The following TRPC4 variants were observed in gnomAD, a reference collection of about 807,000 sequenced individuals.
TRPC4 encodes short transient receptor potential channel 4.
TRPC4 carries 49 observed loss-of-function variants against 99.4 expected under a neutral mutation model. The ratio of observed to expected loss-of-function variants is 0.49; its 90% confidence interval spans 0.39 to 0.63. The LOEUF is 0.63. TRPC4 is among the 20% of genes least tolerant of loss of function. TRPC4 has a pLI of 0.00. For missense variants in TRPC4, 898 were observed against 1,152.9 expected (o/e 0.78, Z 3.20); for synonymous variants, 454 against 425.9 (o/e 1.07, Z -0.81).
In TRPC4 at chr13:37,689,644, T is replaced by C. The variant is rs557939748; in HGVS notation, c.1234+2355A>G. On this transcript the variant is annotated intron_variant, in intron 4 of 10. Transcript: ENST00000379705. ...GAATTATAATACTCACAAATAAATC[T>C]ATACCTCATGTAATCATTTAGCTGT... Among the ~76,000 whole-genome samples, 21 of 152,324 alleles carry C rather than the reference T, an allele frequency of 1.4e-4. No homozygotes were observed. The South Asian group carries it at 4.3e-3, about 32-fold the overall frequency.
At chr13:37,814,052 C>T (rs2139492574) in intron 1 of TRPC4, among the ~76,000 whole-genome samples, 1 of 151,782 alleles carries the variant, frequency 6.6e-6, no homozygotes, top group South Asian at 2.1e-4. Context: ...TATAATACAA[C>T]AAATCAATAC....
intron 3 of TRPC4, among the ~76,000 whole-genome samples, chr13:37,739,504 A>ATTTT (rs34228089): frequency 7.5e-6 from 1 of 133,792 alleles, no homozygotes; most frequent in African/African-American, 2.9e-5. Flanking sequence ...AAAGCATGAG[A>ATTTT]TTTTTTTTTT....
At chr13:37,868,620 T>A (rs9548087) in intron 1 of TRPC4, among the ~76,000 whole-genome samples, 62,156 of 149,390 alleles carry the variant, frequency 0.42, 14,090 homozygotes, top group Admixed American at 0.56. Flanking sequence ...TGAAAAAGTT[T>A]TACAAGTCTG....
chr13:37,826,560 T>A (rs1360716018), intron 1 of TRPC4, among the ~76,000 whole-genome samples: 15 of 151,648 alleles, frequency 9.9e-5, no homozygotes, highest in Non-Finnish European at 1.6e-4. Flanking sequence ...TATGAAATTC[T>A]GGGTTGAAAA....
intron 3 of TRPC4, among the ~76,000 whole-genome samples, chr13:37,698,318 C>A (rs953264702): frequency 6.6e-6 from 1 of 151,058 alleles, no homozygotes; most frequent in African/African-American, 2.4e-5. Flanking sequence ...CCCGCCACCA[C>A]ACCCAACTAA....
intron 8 of TRPC4, 157 bp downstream of exon 8, chr13:37,651,108 A>T (rs901202714): frequency 8.9e-6 from 7 of 789,928 alleles, no homozygotes; most frequent in Non-Finnish European, 1.2e-5. Flanking sequence ...AGTTAATCAG[A>T]CACTGCCTTA....
At chr13:37,790,904 A>G (rs751744333) in intron 1 of TRPC4, among the ~76,000 whole-genome samples, 12 of 152,162 alleles carry the variant, frequency 7.9e-5, no homozygotes, top group Non-Finnish European at 1.6e-4. Context: ...ATCATACCTC[A>G]TAACAGTAAA....
intron 4 of TRPC4, among the ~76,000 whole-genome samples, chr13:37,675,787 C>T (rs535934206): frequency 6.6e-6 from 1 of 152,228 alleles, no homozygotes; most frequent in South Asian, 2.1e-4. Context: ...AGATATAGGC[C>T]TGCCTAAGTC....
rs75514550 is a variant in TRPC4, at chr13:37,663,427, A to G, written c.1677T>C (p.Asn559=). 25,100 of 1,612,114 alleles carry G rather than the reference A, an allele frequency of 0.016. 234 individuals are homozygous for G. The highest frequency in any genetic ancestry group is 0.019 in the Non-Finnish European group (22,549 of 1,178,920). Reference sequence around the variant, plus strand: ...TCTATTAGACTTACGTTGAAAATGCATTATTCTGCTTTTCACATCTTATGC... The same window carrying G: ...TCTATTAGACTTACGTTGAAAATGCGTTATTCTGCTTTTCACATCTTATGC... ...CKGIRCEKQN[N]AFSTLFETLQ... The change falls in exon 6 of 11, where the codon AAT becomes AAC. Residue 559 remains asparagine (N), a synonymous_variant. Coordinates refer to ENST00000379705, the MANE Select transcript of TRPC4 (RefSeq NM_016179.4).
chr13:37,775,605 T>G (rs1006889593), intron 2 of TRPC4, among the ~76,000 whole-genome samples: 1 of 151,646 alleles, frequency 6.6e-6, no homozygotes, highest in African/African-American at 2.4e-5. Flanking sequence ...ATCTAAATAT[T>G]TCTCTCTCTA....
rs1264679779 is a variant in TRPC4 at position 37,823,482 on chromosome 13, C to G, written c.-27-40122G>C. Among the ~76,000 whole-genome samples, 9 of 147,558 alleles carry G rather than the reference C, an allele frequency of 6.1e-5. No homozygotes were observed. In the East Asian group the frequency reaches 1.9e-3, roughly 30 times the overall value. On this transcript the variant is annotated intron_variant, in intron 1 of 10. Transcript: ENST00000379705. ...AAGGAAGGGATCCAGTTTCAGCTTT[C>G]TACATATGGCTAGCCAGTTTTCCCA...
rs1484514150 is a variant in TRPC4, at chr13:37,710,753, G to T, written c.898-18418C>A. ...GTCTTGAATCTGTCTTGTCTCTAAG[G>T]TATAAAATCTGTATGACTAGAGATA... On this transcript the variant is annotated intron_variant, in intron 3 of 10. Transcript: ENST00000379705. 3.3e-5 allele frequency among the ~76,000 whole-genome samples: 5 copies of T among 151,738 alleles called. No homozygotes were observed. The South Asian group carries it at 8.3e-4, about 25-fold the overall frequency.
At chr13:37,792,387 T>G (rs866571161) in intron 1 of TRPC4, among the ~76,000 whole-genome samples, 3 of 152,088 alleles carry the variant, frequency 2.0e-5, no homozygotes, top group Non-Finnish European at 4.4e-5. Context: ...ATTAGAAGGT[T>G]TTTAGGAATA....
intron 1 of TRPC4, among the ~76,000 whole-genome samples, chr13:37,831,246 A>C (rs912024990): frequency 6.6e-6 from 1 of 152,216 alleles, no homozygotes; most frequent in African/African-American, 2.4e-5. Flanking sequence ...GACATTTCTC[A>C]AAAGAAGACA....
At chr13:37,772,412 G>T (rs1021451174) in intron 2 of TRPC4, among the ~76,000 whole-genome samples, 2 of 151,592 alleles carry the variant, frequency 1.3e-5, no homozygotes, top group Non-Finnish European at 3.0e-5. Flanking sequence ...ATGAAGAATT[G>T]CAATTTTACT....
intron 1 of TRPC4, among the ~76,000 whole-genome samples, chr13:37,812,203 A>C (rs1025436466): frequency 7.0e-6 from 1 of 142,182 alleles, no homozygotes; most frequent in African/African-American, 2.6e-5. Context: ...AAACCAGGAG[A>C]TCTAATTGCT....
chr13:37,635,956 A>G lies in TRPC4; in HGVS notation c.*947T>C, dbSNP rs181634147. ...TTGTACTTCTTTTGAATTGATTACA[A>G]TATTGCGTTGATTGAAAATACTGGA... On this transcript the variant is annotated 3_prime_UTR_variant, in exon 11 of 11. Coordinates refer to ENST00000379705, the MANE Select transcript of TRPC4 (RefSeq NM_016179.4). Among the ~76,000 whole-genome samples, 2 of 152,232 alleles carry G rather than the reference A, an allele frequency of 1.3e-5. No homozygotes were observed. Among genetic ancestry groups the G allele is most frequent in the Admixed American group, 1.3e-4 (2 of 15,276 alleles).
intron 1 of TRPC4, among the ~76,000 whole-genome samples, chr13:37,789,485 T>G (rs1224657565): frequency 6.6e-6 from 1 of 152,188 alleles, no homozygotes; most frequent in Non-Finnish European, 1.5e-5. Context: ...TAAGAGATTG[T>G]GAAGTAAACA....
chr13:37,841,525 G>A (rs1347167348), intron 1 of TRPC4, among the ~76,000 whole-genome samples: 1 of 150,974 alleles, frequency 6.6e-6, no homozygotes, highest in Non-Finnish European at 1.5e-5. Context: ...TATCTAGGAT[G>A]CATAAAGAAA....
Sources: gnomAD v4.1 joint callset for allele counts (sites outside exome capture counted in the v4.1 genomes callset) on GRCh38, gnomAD v4.1.1 for gene constraint, MANE v1.5 for transcripts, NCBI Gene and HGNC (gene_info 2026-07-23, HGNC 2026-07-21) for gene names.